EPB41L4A: variants seen among roughly 807,000 people sequenced by gnomAD.
The protein encoded by EPB41L4A is band 4.1-like protein 4A.
EPB41L4A carries 100 observed loss-of-function variants against 108.6 expected under a neutral mutation model. The observed-to-expected ratio is 0.92, with a 90% CI of 0.78 to 1.09. EPB41L4A has a LOEUF of 1.09. Ranked by LOEUF, EPB41L4A falls within the 50% of genes least tolerant of loss-of-function variation. The pLI is 0.00. For synonymous variants in EPB41L4A, 319 were observed against 289.0 expected, an observed-to-expected ratio of 1.10 and a Z score of -1.05; for missense variants, 1,030 against 842.7, an observed-to-expected ratio of 1.22 and a Z score of -2.75.
At chr5:112,306,514 C>A (rs1345713011) in intron 2 of EPB41L4A, among the ~76,000 whole-genome samples, 2 of 152,124 alleles carry the variant, frequency 1.3e-5, no homozygotes, top group African/African-American at 4.8e-5. Context: ...ATGTTCTTCA[C>A]TGAATGTACC....
chr5:112,325,644 T>G (rs559184229), intron 1 of EPB41L4A, among the ~76,000 whole-genome samples: 54 of 152,246 alleles, frequency 3.5e-4, no homozygotes, highest in African/African-American at 1.2e-3. Context: ...GAAAAGGTAA[T>G]GAGGAGGTCA....
chr5:112,234,191 AAAAT>A (rs2150365648), intron 12 of EPB41L4A, among the ~76,000 whole-genome samples: 1 of 143,772 alleles, frequency 7.0e-6, no homozygotes, highest in South Asian at 2.2e-4. Context: ...AAATTAAAAT[AAAAT>A]AAAATAAAAT....
intron 14 of EPB41L4A, 34 bp downstream of exon 14, chr5:112,205,387 C>T (rs1762423870): frequency 1.9e-6 from 3 of 1,555,448 alleles, no homozygotes; most frequent in African/African-American, 2.7e-5. Flanking sequence ...CCCTTTTCTA[C>T]TGTCTCCTTT....
At chr5:112,408,468 G>A (rs1044502452) in intron 1 of EPB41L4A, among the ~76,000 whole-genome samples, 11 of 151,924 alleles carry the variant, frequency 7.2e-5, no homozygotes, top group Admixed American at 6.6e-4. Flanking sequence ...TAAGGAACTT[G>A]CATTCAGAAT....
rs767311201 is a variant in EPB41L4A at position 112,307,394 on chromosome 5, G to A, written c.196C>T (p.His66Tyr). Residue 66 changes from histidine (H) to tyrosine (Y), a missense_variant, in exon 2 of 23, where the codon CAT becomes TAT. His to Tyr is a moderately conservative substitution (Grantham distance 83). Transcript: ENST00000261486. Reference sequence around the variant, plus strand: ...AAAGTCACCTTACTCACCGTCTGATGGCTTCTGTCACAGTAACGTAGCCCA... The same window carrying A: ...AAAGTCACCTTACTCACCGTCTGATAGCTTCTGTCACAGTAACGTAGCCCA... ...YFGLRYCDRS[H>Y]QTYWLDPAKT... 3.1e-6 allele frequency: 5 copies of A among 1,607,020 alleles called. No individual in the cohort carries two copies. The highest frequency in any genetic ancestry group is 4.3e-6 in the Non-Finnish European group (5 of 1,174,186).
intron 12 of EPB41L4A, among the ~76,000 whole-genome samples, chr5:112,211,587 CAAA>C (rs1244464078): frequency 1.3e-5 from 1 of 74,950 alleles, no homozygotes; most frequent in Non-Finnish European, 2.9e-5. Context: ...GACTCCGTCT[CAAA>C]AAAAAAAAAA....
chr5:112,178,376 C>T (rs1424343693), intron 18 of EPB41L4A, among the ~76,000 whole-genome samples: 3 of 152,076 alleles, frequency 2.0e-5, no homozygotes, highest in Non-Finnish European at 4.4e-5. Context: ...TTTAACATCC[C>T]TCTCTCAATG....
intron 12 of EPB41L4A, among the ~76,000 whole-genome samples, chr5:112,157,310 C>T (rs552662280): frequency 6.6e-6 from 1 of 152,192 alleles, no homozygotes. Context: ...ATGAAATGTG[C>T]ACAAGTTTGT....
intron 12 of EPB41L4A, among the ~76,000 whole-genome samples, chr5:112,146,906 C>T (rs1262029304): frequency 2.0e-5 from 3 of 152,026 alleles, no homozygotes; most frequent in East Asian, 1.9e-4. Context: ...ATTAATTAGA[C>T]GAGACTTTTA....
At chr5:112,158,036 A>G (rs1759710702), downstream of EPB41L4A, among the ~76,000 whole-genome samples, 1 of 152,212 alleles carries the variant, frequency 6.6e-6, no homozygotes, top group South Asian at 2.1e-4. Flanking sequence ...TGAAGCAGAC[A>G]GGGGAGAGGA....
intron 1 of EPB41L4A, among the ~76,000 whole-genome samples, chr5:112,368,597 G>A (rs981199751): frequency 6.6e-6 from 1 of 151,552 alleles, no homozygotes; most frequent in Non-Finnish European, 1.5e-5. Flanking sequence ...TTGAGCCCAG[G>A]CCCAAAACCA....
intron 13 of EPB41L4A, chr5:112,206,857 G>T (rs1268356254): frequency 3.3e-5 from 5 of 152,146 alleles, no homozygotes; most frequent in Admixed American, 2.0e-4. Context: ...TTGTTAAAAT[G>T]GCCATACAGC....
intron 1 of EPB41L4A, among the ~76,000 whole-genome samples, chr5:112,321,623 C>T (rs75012358): frequency 5.3e-5 from 8 of 152,338 alleles, no homozygotes; most frequent in South Asian, 2.1e-4. Context: ...TCAAGTTACT[C>T]ATTTGGGGAG....
intron 2 of EPB41L4A, among the ~76,000 whole-genome samples, chr5:112,285,932 C>T (rs1354844803): frequency 2.0e-5 from 3 of 152,154 alleles, no homozygotes; most frequent in Non-Finnish European, 2.9e-5. Context: ...ACTGAGTAAA[C>T]AACTTGCCCA....
At position 112,275,345 on chromosome 5, in the gene EPB41L4A, G is replaced by C; in HGVS notation, c.316C>G (p.Leu106Val). The change falls in exon 4 of 23, where the codon CTT becomes GTT. Residue 106 changes from leucine to valine, a missense_variant. By Grantham distance (32) the Leu-to-Val change is conservative. Coordinates refer to ENST00000261486, the MANE Select transcript of EPB41L4A (RefSeq NM_022140.5). ...IKFYAEDPCK[L>V]KEEITRYQFF... The stretch of plus-strand genomic sequence containing the variant: ...CTATACCTGGTTATTTCTTCTTTAA[G>C]TTTACATGGATCTTCAGCATAGAAT... The C allele has an allele frequency of 1.3e-6, 2 of 1,554,500 alleles. No individual in the cohort carries two copies. The highest frequency in any genetic ancestry group is 1.7e-6 in the Non-Finnish European group (2 of 1,143,156).
chr5:112,358,283 T>A (rs1316672017), intron 1 of EPB41L4A, among the ~76,000 whole-genome samples: 1 of 152,234 alleles, frequency 6.6e-6, no homozygotes, highest in Non-Finnish European at 1.5e-5. Context: ...CATGAATTTA[T>A]TTTTTACTCT....
At chr5:112,191,008 T>C (rs968434446) in intron 17 of EPB41L4A, among the ~76,000 whole-genome samples, 2 of 151,932 alleles carry the variant, frequency 1.3e-5, no homozygotes, top group South Asian at 2.1e-4. Flanking sequence ...GTAGAGAAAC[T>C]AAAAGGAGAA....
upstream of EPB41L4A, chr5:112,419,759 C>T (rs1762980881): frequency 2.2e-6 from 1 of 456,664 alleles, no homozygotes; most frequent in East Asian, 6.9e-5. Context: ...GGCTCCTTAC[C>T]CAGACCAGCG....
At chr5:112,318,880 A>G (rs1484341077) in intron 1 of EPB41L4A, among the ~76,000 whole-genome samples, 14 of 152,108 alleles carry the variant, frequency 9.2e-5, no homozygotes, top group Admixed American at 8.5e-4. Context: ...AACCTCAAGA[A>G]TTTCCAGTTA....
Sources: allele counts gnomAD v4.1 joint callset (sites outside exome capture counted in the v4.1 genomes callset), GRCh38; gene constraint gnomAD v4.1.1; transcripts MANE v1.5; gene names NCBI Gene and HGNC (gene_info 2026-07-23, HGNC 2026-07-21).